HPCAL1: variants seen among roughly 807,000 people sequenced by gnomAD.
HPCAL1 encodes the protein hippocalcin-like protein 1.
A neutral mutation model predicts 17.1 loss-of-function variants in HPCAL1; 8 were observed. The ratio of observed to expected loss-of-function variants is 0.47; its 90% CI spans 0.27 to 0.84. The LOEUF (loss-of-function observed/expected upper bound fraction) is 0.84, where lower values mean the gene tolerates loss of function less well. Ranked by LOEUF, HPCAL1 falls within the 40% of genes least tolerant of loss-of-function variation. The pLI, the probability that HPCAL1 is intolerant of heterozygous loss-of-function variation, is 0.13. For synonymous variants in HPCAL1, 112 were observed against 111.4 expected (o/e 1.01, Z -0.03); for missense variants, 165 against 271.1 (o/e 0.61, Z 2.75).
rs891631278 is a variant in HPCAL1, at chr2:10,331,869, G to A, written c.-111+28692G>A. 6.6e-6 allele frequency among the ~76,000 whole-genome samples: 1 copy of A among 151,996 alleles called. No homozygotes were observed. The highest frequency in any genetic ancestry group is 1.5e-5 in the Non-Finnish European group (1 of 68,024). On this transcript the variant is annotated intron_variant, in intron 1 of 4. Transcript: ENST00000307845. This position sits in a 1 kb window ranked among gnomAD's most constrained non-coding sequence, Gnocchi z 5.0. ...CTTCTTGTCACCCGTTGTCATTTAC[G>A]AGACAGCCCTGTGTCACCTGTTGAT...
Position 10,362,812 on chromosome 2 carries a change from G to GGCTTTAGTCA in HPCAL1, c.-110-34023_-110-34022insGCTTTAGTCA, listed in dbSNP as rs1359824783. Among the ~76,000 whole-genome samples the GGCTTTAGTCA allele has an allele frequency of 2.0e-5, 3 of 152,224 alleles. No homozygotes were observed. The highest frequency in any genetic ancestry group is 4.4e-5 in the Non-Finnish European group (3 of 68,044). ...TAGGAGTGCTGAGTCATGAGATTGGGTTGAATGGCGGCTTTAGCACAGCTG... is the reference window on the plus strand; with the variant it reads ...TAGGAGTGCTGAGTCATGAGATTGGGGCTTTAGTCATTGAATGGCGGCTTTAGCACAGCTG... On this transcript the variant is annotated intron_variant, in intron 1 of 4. Transcript: ENST00000307845. This position sits in a 1 kb window ranked among gnomAD's most constrained non-coding sequence, Gnocchi z 5.0.
intron 2 of HPCAL1, among the ~76,000 whole-genome samples, chr2:10,399,155 C>A (rs974784276): frequency 6.6e-6 from 1 of 151,140 alleles, no homozygotes; most frequent in African/African-American, 2.4e-5. Context: ...GTGTCCATTC[C>A]CATCCCCAGA....
intron 1 of HPCAL1, among the ~76,000 whole-genome samples, chr2:10,311,507 T>C (rs1473582708): frequency 6.6e-6 from 1 of 152,218 alleles, no homozygotes; most frequent in Non-Finnish European, 1.5e-5. Flanking sequence ...CTTGGTGATA[T>C]GCTGTTACCT....
rs111725821 is a variant in HPCAL1 at position 10,407,671 on chromosome 2, G to A, written c.-25+10751G>A. Among the ~76,000 whole-genome samples, 286 of 152,294 alleles carry A rather than the reference G, an allele frequency of 1.9e-3. 1 individual carries two copies. The highest frequency in any genetic ancestry group is 6.5e-3 in the African/African-American group (272 of 41,554). ...GGGTCCTTGGAGGAGGTTTCCCCAC[G>A]ACTGTTGAGCAAGAACATGAACTTG... On this transcript the variant is annotated intron_variant, in intron 2 of 4. Transcript: ENST00000307845.
intron 4 of HPCAL1, chr2:10,426,491 G>C: frequency 1.9e-6 from 1 of 519,990 alleles, no homozygotes; most frequent in Non-Finnish European, 3.5e-6. Context: ...TGCTGAGCTT[G>C]CTGGGTAAGC....
intron 2 of HPCAL1, among the ~76,000 whole-genome samples, chr2:10,399,464 C>T (rs1418100789): frequency 7.9e-6 from 1 of 126,756 alleles, no homozygotes; most frequent in Non-Finnish European, 1.7e-5. Context: ...CCACCACCAC[C>T]ATCACCATCA....
At position 10,361,742 on chromosome 2, in the gene HPCAL1, G is replaced by T. The variant is rs373428920; in HGVS notation, c.-110-35093G>T. On this transcript the variant is annotated intron_variant, in intron 1 of 4. Coordinates refer to ENST00000307845, the MANE Select transcript of HPCAL1 (RefSeq NM_002149.4). ...TTTTTTTTTTTTTTTTTGAGATAGG[G>T]TCTCACTCTTGTCAACCAGGATGGA... Among the ~76,000 whole-genome samples, 28 of 150,202 alleles carry T rather than the reference G, an allele frequency of 1.9e-4. No individual in the cohort carries two copies. In the East Asian group the frequency reaches 3.1e-3, roughly 17 times the overall value.
Position 10,419,991 on chromosome 2 carries a change from C to T in HPCAL1, c.234C>T (p.Gly78=). ...GCACCTTCGACACCAACGGCGACGG[C>T]ACCATCGACTTCCGGGAGTTCATCA... ...VFRTFDTNGD[G]TIDFREFIIA... Residue 78 remains glycine, a synonymous_variant, in exon 3 of 5, where the codon GGC becomes GGT. Transcript: ENST00000307845. This position sits in a 1 kb window ranked among gnomAD's most constrained non-coding sequence, Gnocchi z 5.0. 6.2e-7 allele frequency: 1 copy of T among 1,614,026 alleles called. No individual in the cohort carries two copies. Among genetic ancestry groups the T allele is most frequent in the Admixed American group, 1.7e-5 (1 of 60,024 alleles).
intron 1 of HPCAL1, among the ~76,000 whole-genome samples, chr2:10,364,610 T>C (rs1666732438): frequency 6.7e-6 from 1 of 150,270 alleles, no homozygotes; most frequent in Admixed American, 6.6e-5. Flanking sequence ...TTGGAGACAG[T>C]GGCTCACTCT....
In HPCAL1 at chr2:10,310,262, C is replaced by G. The variant is rs1390376646; in HGVS notation, c.-111+7085C>G. Among the ~76,000 whole-genome samples, 1 of 152,060 alleles carries G rather than the reference C, an allele frequency of 6.6e-6. No individual in the cohort carries two copies. Among genetic ancestry groups the G allele is most frequent in the Middle Eastern group, 3.2e-3 (1 of 316 alleles). On this transcript the variant is annotated intron_variant, in intron 1 of 4. Transcript: ENST00000307845. This position sits in a 1 kb window ranked among gnomAD's most constrained non-coding sequence, Gnocchi z 4.5. ...AAAGGGGTTCTAGGCGCAGCTCAGA[C>G]GTAGATGGGGACGCAGATGTGAGTA...
chr2:10,371,923 C>T (rs1239869153), intron 1 of HPCAL1, among the ~76,000 whole-genome samples: 4 of 152,214 alleles, frequency 2.6e-5, no homozygotes, highest in East Asian at 1.9e-4. Flanking sequence ...CTTAAGCCAG[C>T]GGGCCCAACC....
rs1441399449 is a variant in HPCAL1, at chr2:10,367,179, G to C, written c.-110-29656G>C. Among the ~76,000 whole-genome samples the C allele has an allele frequency of 3.9e-5, 6 of 151,910 alleles. No individual in the cohort carries two copies. The highest frequency in any genetic ancestry group is 7.4e-5 in the Non-Finnish European group (5 of 68,006). On this transcript the variant is annotated intron_variant, in intron 1 of 4. Transcript: ENST00000307845. This position sits in a 1 kb window ranked among gnomAD's most constrained non-coding sequence, Gnocchi z 4.4. ...GTTTATTGTCATCTGCTTGGGACTTGAGGGTAACTTCATCTCTCAAAATAG... is the reference window on the plus strand; with the variant it reads ...GTTTATTGTCATCTGCTTGGGACTTCAGGGTAACTTCATCTCTCAAAATAG...
At chr2:10,356,150 C>T (rs972655592) in intron 1 of HPCAL1, among the ~76,000 whole-genome samples, 18 of 152,274 alleles carry the variant, frequency 1.2e-4, no homozygotes, top group African/African-American at 4.3e-4. Flanking sequence ...CAGGTGTTAC[C>T]TCTGGTTTCT....
At chr2:10,314,006 C>G (rs1663145532) in intron 1 of HPCAL1, among the ~76,000 whole-genome samples, 8 of 152,006 alleles carry the variant, frequency 5.3e-5, no homozygotes, top group Admixed American at 5.2e-4. Context: ...TGGCGGGCGC[C>G]TGTAATCCCA....
chr2:10,325,229 G>A (rs376213265), intron 1 of HPCAL1, among the ~76,000 whole-genome samples: 5 of 152,080 alleles, frequency 3.3e-5, no homozygotes, highest in Admixed American at 6.5e-5. Flanking sequence ...CACTGGTGCC[G>A]TCATAGCTCA....
intron 1 of HPCAL1, among the ~76,000 whole-genome samples, chr2:10,305,443 G>A (rs938766815): frequency 3.3e-5 from 5 of 152,238 alleles, no homozygotes. Context: ...GCAAAGGGAA[G>A]GCCCGGGGGC....
chr2:10,383,333 C>A (rs1297945758), intron 1 of HPCAL1, among the ~76,000 whole-genome samples: 1 of 152,060 alleles, frequency 6.6e-6, no homozygotes, highest in Non-Finnish European at 1.5e-5. Flanking sequence ...GATCGCGCCA[C>A]TGTGCTCCAG....
At chr2:10,383,750 C>G (rs1198629000) in intron 1 of HPCAL1, among the ~76,000 whole-genome samples, 2 of 151,882 alleles carry the variant, frequency 1.3e-5, no homozygotes, top group Non-Finnish European at 2.9e-5. Flanking sequence ...TTTGTCGAGT[C>G]TCCTCACCTC....
Position 10,395,611 on chromosome 2 carries a change from C to T in HPCAL1, c.-110-1224C>T, listed in dbSNP as rs1303501567. Among the ~76,000 whole-genome samples the T allele has an allele frequency of 7.2e-5, 11 of 152,174 alleles. No individual in the cohort carries two copies. Among genetic ancestry groups the T allele is most frequent in the East Asian group, 3.9e-4 (2 of 5,156 alleles). On this transcript the variant is annotated intron_variant, in intron 1 of 4. Transcript: ENST00000307845. The surrounding 1 kb of genome is among the most constrained non-coding windows in gnomAD (Gnocchi z 4.4). ...CTTCGTCTAGTGGGTGCTTGTAAAG[C>T]GGGATCGTTGCTATGAGAGAGAGAA...
Sources: allele counts gnomAD v4.1 joint callset (sites outside exome capture counted in the v4.1 genomes callset), GRCh38; gene constraint gnomAD v4.1.1; non-coding constraint Gnocchi (gnomAD v3.1); transcripts MANE v1.5; gene names NCBI Gene and HGNC (gene_info 2026-07-23, HGNC 2026-07-21).